Variants in DLGAP4 observed in about 807,000 individuals in gnomAD.
DLGAP4 encodes DLG associated protein 4.
In DLGAP4, 18 loss-of-function variants were observed where a neutral mutation model predicts 86.9. The observed-to-expected ratio is 0.21, with a 90% CI of 0.14 to 0.31. DLGAP4 has a LOEUF of 0.31. DLGAP4 is among the 10% of genes least tolerant of loss of function. The probability of loss-of-function intolerance (pLI) is 1.00; values close to 1 mark genes in which losing one functional copy is unlikely to be tolerated. For synonymous variants in DLGAP4, 548 were observed against 574.3 expected, an observed-to-expected ratio of 0.95 and a Z score of 0.65; for missense variants, 1,085 against 1,362.6, an observed-to-expected ratio of 0.80 and a Z score of 3.21.
At chr20:36,452,977 C>T (rs2147594234) in intron 7 of DLGAP4, among the ~76,000 whole-genome samples, 1 of 152,064 alleles carries the variant, frequency 6.6e-6, no homozygotes, top group South Asian at 2.1e-4. Flanking sequence ...GGACTGCAGG[C>T]ATGCGCCACC....
At chr20:36,317,100 T>C (rs1382141528) in intron 1 of DLGAP4, among the ~76,000 whole-genome samples, 3 of 152,224 alleles carry the variant, frequency 2.0e-5, no homozygotes, top group Non-Finnish European at 4.4e-5. Context: ...CCAGAGACTA[T>C]TCTAGGCACT....
chr20:36,475,520 C>T (rs1344187726), intron 7 of DLGAP4, among the ~76,000 whole-genome samples: 1 of 152,138 alleles, frequency 6.6e-6, no homozygotes, highest in Non-Finnish European at 1.5e-5. Flanking sequence ...TCCATACAAT[C>T]TCTTACCCAA....
intron 2 of DLGAP4, among the ~76,000 whole-genome samples, chr20:36,416,205 T>C (rs569568550): frequency 1.1e-4 from 17 of 152,298 alleles, no homozygotes; most frequent in African/African-American, 3.6e-4. Flanking sequence ...CACTGCAACC[T>C]CCACCTCCCG....
intron 2 of DLGAP4, among the ~76,000 whole-genome samples, chr20:36,392,950 G>C (rs917785137): frequency 1.3e-5 from 2 of 152,150 alleles, no homozygotes; most frequent in South Asian, 4.1e-4. Flanking sequence ...GAAGCCACAC[G>C]AGGGTCTGGG....
intron 7 of DLGAP4, among the ~76,000 whole-genome samples, chr20:36,475,303 C>A (rs566727377): frequency 6.6e-6 from 1 of 152,138 alleles, no homozygotes; most frequent in Non-Finnish European, 1.5e-5. Flanking sequence ...CCTCGCCTGC[C>A]GGGTTCAAGT....
chr20:36,506,472 T>A (rs983900092), intron 10 of DLGAP4, among the ~76,000 whole-genome samples: 49 of 152,174 alleles, frequency 3.2e-4, no homozygotes, highest in African/African-American at 1.1e-3. Context: ...TATCAGTTAC[T>A]GTAACTTACA....
intron 7 of DLGAP4, among the ~76,000 whole-genome samples, chr20:36,481,494 G>A (rs571698096): frequency 2.5e-4 from 38 of 152,136 alleles, no homozygotes; most frequent in Admixed American, 2.0e-3. Context: ...TGACAAGTCC[G>A]TCCCAGACAC....
intron 2 of DLGAP4, among the ~76,000 whole-genome samples, chr20:36,368,957 T>C (rs865872581): frequency 6.2e-4 from 95 of 152,222 alleles, no homozygotes; most frequent in African/African-American, 2.2e-3. Flanking sequence ...AGTGCCCACC[T>C]CCACCCTCCG....
At chr20:36,466,129 A>C (rs544241388) in intron 7 of DLGAP4, among the ~76,000 whole-genome samples, 3 of 152,188 alleles carry the variant, frequency 2.0e-5, no homozygotes, top group Non-Finnish European at 4.4e-5. Flanking sequence ...ACATGCCCCT[A>C]GGTTTTTAAA....
intron 1 of DLGAP4, among the ~76,000 whole-genome samples, chr20:36,331,573 G>A (rs1379461598): frequency 1.3e-5 from 2 of 152,302 alleles, no homozygotes; most frequent in East Asian, 3.9e-4. Flanking sequence ...CCAGAGAAGG[G>A]AGTTCCCTGG....
intron 10 of DLGAP4, among the ~76,000 whole-genome samples, chr20:36,511,767 T>C (rs369033282): frequency 1.5e-3 from 228 of 150,964 alleles, no homozygotes; most frequent in African/African-American, 5.2e-3. Context: ...CTCGGCTACT[T>C]CTGAGGCTGA....
At chr20:36,416,930 A>G (rs2032670613) in intron 2 of DLGAP4, among the ~76,000 whole-genome samples, 1 of 152,136 alleles carries the variant, frequency 6.6e-6, no homozygotes, top group African/African-American at 2.4e-5. Flanking sequence ...CATTCATTGA[A>G]CAAGTGTTGA....
chr20:36,331,911 A>G (rs1429105782), intron 1 of DLGAP4, among the ~76,000 whole-genome samples: 3 of 151,602 alleles, frequency 2.0e-5, no homozygotes, highest in Non-Finnish European at 4.4e-5. Context: ...TGGGGGTTCC[A>G]GGCAGGGAAC....
intron 2 of DLGAP4, among the ~76,000 whole-genome samples, chr20:36,367,515 G>A (rs2030733420): frequency 6.6e-6 from 1 of 152,224 alleles, no homozygotes; most frequent in African/African-American, 2.4e-5. Flanking sequence ...CCTCAGAGAG[G>A]GGAAGCCACC....
chr20:36,499,210 C>CTTT (rs372633959), intron 8 of DLGAP4: 15 of 1,231,226 alleles, frequency 1.2e-5, no homozygotes, highest in East Asian at 5.5e-5. Context: ...TTTCGTCGTC[C>CTTT]TTTTTTTTTT....
intron 7 of DLGAP4, chr20:36,462,518 C>A: frequency 1.9e-6 from 3 of 1,601,258 alleles, no homozygotes; most frequent in Non-Finnish European, 1.7e-6. Flanking sequence ...CTCCCTCTCC[C>A]TTTTTCTGTC....
intron 7 of DLGAP4, among the ~76,000 whole-genome samples, chr20:36,467,046 CTCTCT>C (rs2034427137): frequency 7.5e-6 from 1 of 133,374 alleles, no homozygotes; most frequent in Non-Finnish European, 1.5e-5. Flanking sequence ...CTCTCTCTCT[CTCTCT>C]CTCTCTCTCT....
Position 36,439,848 on chromosome 20 carries a change from G to T in DLGAP4, c.1336G>T (p.Asp446Tyr). The T allele has an allele frequency of 6.2e-7, 1 of 1,613,438 alleles. No individual in the cohort carries two copies. Among genetic ancestry groups the T allele is most frequent in the Non-Finnish European group, 8.5e-7 (1 of 1,179,946 alleles). Residue 446 changes from aspartate to tyrosine, a missense_variant, in exon 5 of 13, where the codon GAC becomes TAC. Physicochemically the swap from Asp to Tyr is radical, Grantham distance 160. Transcript: ENST00000339266. ...DYTPVSDSLN[D>Y]SSCISQIFGQ... ...CACCCCCGTCAGCGACAGCCTCAAC[G>T]ACTCCAGCTGCATCAGCCAGGTGAG...
At chr20:36,411,420 A>G (rs1009413817) in intron 2 of DLGAP4, among the ~76,000 whole-genome samples, 1 of 152,142 alleles carries the variant, frequency 6.6e-6, no homozygotes, top group Non-Finnish European at 1.5e-5. Context: ...CAGTACACTC[A>G]GTGCCACCTT....
Sources: gnomAD v4.1 joint callset for allele counts (sites outside exome capture counted in the v4.1 genomes callset) on GRCh38, gnomAD v4.1.1 for gene constraint, MANE v1.5 for transcripts, NCBI Gene and HGNC (gene_info 2026-07-23, HGNC 2026-07-21) for gene names.